The following CDH4 variants were observed in gnomAD, a reference collection of about 807,000 sequenced individuals.
CDH4 encodes cadherin 4.
A neutral mutation model predicts 86.0 loss-of-function variants in CDH4; 33 were observed. The observed-to-expected ratio is 0.38, with a 90% CI of 0.29 to 0.51. CDH4 has a LOEUF of 0.51. Among genes scored for constraint, CDH4 ranks in the 20% least tolerant of loss-of-function variants. The pLI is 0.86. For missense variants in CDH4, 1,114 were observed against 1,307.4 expected, an observed-to-expected ratio of 0.85 and a Z score of 2.28; for synonymous variants, 555 against 549.4, an observed-to-expected ratio of 1.01 and a Z score of -0.14.
intron 9 of CDH4, among the ~76,000 whole-genome samples, chr20:61,913,036 C>T (rs542912169): frequency 2.0e-5 from 3 of 152,232 alleles, no homozygotes; most frequent in East Asian, 1.9e-4. Flanking sequence ...CAGTGAGTAG[C>T]GAGCCTCGGC....
At chr20:61,383,072 A>G (rs2084913495) in intron 2 of CDH4, among the ~76,000 whole-genome samples, 1 of 125,486 alleles carries the variant, frequency 8.0e-6, no homozygotes, top group Admixed American at 8.6e-5. Context: ...ATTCATATAT[A>G]TATAATATAT....
chr20:61,834,968 G>A (rs754982697), intron 4 of CDH4, among the ~76,000 whole-genome samples: 3 of 152,234 alleles, frequency 2.0e-5, no homozygotes, highest in Non-Finnish European at 4.4e-5. Context: ...TCCAGACACC[G>A]CTGGAGGCTG....
chr20:61,427,757 G>A (rs1172865665), intron 2 of CDH4, among the ~76,000 whole-genome samples: 1 of 152,006 alleles, frequency 6.6e-6, no homozygotes, highest in Non-Finnish European at 1.5e-5. Flanking sequence ...TGTGCAAGCA[G>A]TTGTCTCCCC....
At chr20:61,646,894 T>G (rs2087066793) in intron 2 of CDH4, among the ~76,000 whole-genome samples, 1 of 152,254 alleles carries the variant, frequency 6.6e-6, no homozygotes, top group Non-Finnish European at 1.5e-5. Flanking sequence ...ACTGGAATAC[T>G]GAACTTCCAC....
intron 2 of CDH4, among the ~76,000 whole-genome samples, chr20:61,422,661 A>G (rs949497078): frequency 2.6e-5 from 4 of 152,098 alleles, no homozygotes; most frequent in Non-Finnish European, 4.4e-5. Context: ...TCTGGCTCCG[A>G]ATTCTAAATT....
chr20:61,853,367 G>A (rs1445552939), intron 6 of CDH4, among the ~76,000 whole-genome samples: 1 of 152,148 alleles, frequency 6.6e-6, no homozygotes, highest in Non-Finnish European at 1.5e-5. Context: ...AGGCCTCCCA[G>A]CTAAACGTAA....
rs1280328224 is a variant in CDH4 at position 61,940,322 on chromosome 20, T to G, written c.*3379T>G. On this transcript the variant is annotated 3_prime_UTR_variant, in exon 16 of 16. Coordinates refer to ENST00000614565, the MANE Select transcript of CDH4 (RefSeq NM_001794.5). ...TAGCAGCCTGCATGAGCACAGTTGT[T>G]TTGGGGAAAGATACTGGAGTATGAT... The G allele has an allele frequency of 6.6e-6, 1 of 152,190 alleles. No homozygotes were observed. The highest frequency in any genetic ancestry group is 2.4e-5 in the African/African-American group (1 of 41,432). The allele number at this position is 152,190 out of a possible 1,614,324, so 9.4% of individuals were successfully genotyped here.
At chr20:61,711,508 C>T (rs1384681989) in intron 2 of CDH4, among the ~76,000 whole-genome samples, 1 of 152,210 alleles carries the variant, frequency 6.6e-6, no homozygotes, top group African/African-American at 2.4e-5. Context: ...GCCTTCTACC[C>T]TCAAAGCTAG....
At chr20:61,416,778 G>A (rs184529768) in intron 2 of CDH4, among the ~76,000 whole-genome samples, 8 of 152,310 alleles carry the variant, frequency 5.3e-5, no homozygotes, top group African/African-American at 1.4e-4. Flanking sequence ...GAGTCTCCCC[G>A]CAGCTCCAGA....
intron 2 of CDH4, among the ~76,000 whole-genome samples, chr20:61,560,088 C>T (rs192390671): frequency 6.6e-6 from 1 of 152,206 alleles, no homozygotes. Context: ...ACTCGAACTT[C>T]GGAGTCGCTT....
At chr20:61,698,661 C>A (rs1487316259) in intron 2 of CDH4, among the ~76,000 whole-genome samples, 1 of 152,212 alleles carries the variant, frequency 6.6e-6, no homozygotes, top group Non-Finnish European at 1.5e-5. Flanking sequence ...GTGCTGCCGA[C>A]ATGTGGGGCC....
In CDH4 at chr20:61,647,564, CCT is replaced by C. The variant is rs57740825; in HGVS notation, c.170-95995_170-95994del. On this transcript the variant is annotated intron_variant, in intron 2 of 15. Coordinates refer to ENST00000614565, the MANE Select transcript of CDH4 (RefSeq NM_001794.5). ...CCCTCTCCCTCTCCCTCTCCCTCTCCCTCTCCCTCCCTCCCCCTCTCCTCTCT... is the reference window on the plus strand; with the variant it reads ...CCCTCTCCCTCTCCCTCTCCCTCTCCCTCCCTCCCTCCCCCTCTCCTCTCT... Among the ~76,000 whole-genome samples the C allele has an allele frequency of 3.8e-4, 27 of 71,912 alleles. 2 individuals are homozygous for C. Among genetic ancestry groups the C allele is most frequent in the Admixed American group, 8.0e-4 (6 of 7,480 alleles). The allele number at this position is 71,912 out of a possible 152,430, so 47.2% of individuals were successfully genotyped here. A position where few individuals can be genotyped will look rare whatever the true frequency, so the allele number is the denominator to read the frequency against.
intron 4 of CDH4, among the ~76,000 whole-genome samples, chr20:61,782,219 C>A (rs1978584647): frequency 6.6e-6 from 1 of 152,060 alleles, no homozygotes; most frequent in Non-Finnish European, 1.5e-5. Flanking sequence ...TGAGGTGGGA[C>A]AATCGCTCGA....
chr20:61,662,346 C>G (rs2087267131), intron 2 of CDH4, among the ~76,000 whole-genome samples: 1 of 152,242 alleles, frequency 6.6e-6, no homozygotes, highest in Admixed American at 6.5e-5. Flanking sequence ...ACAGCGCAAC[C>G]TCTGTCAGGG....
rs1451747282 is a variant in CDH4 at position 61,939,704 on chromosome 20, G to A, written c.*2761G>A. On this transcript the variant is annotated 3_prime_UTR_variant, in exon 16 of 16. Coordinates refer to ENST00000614565, the MANE Select transcript of CDH4 (RefSeq NM_001794.5). ...GCCGGGAGGCCAATGCTGGCCAGGT[G>A]CGAGGGCATGGTTTGGTTCCTTTAG... 3 of 152,310 alleles carry A rather than the reference G, an allele frequency of 2.0e-5. No homozygotes were observed. The highest frequency in any genetic ancestry group is 2.1e-4 in the South Asian group (1 of 4,838). 9.4% of individuals were successfully genotyped at this position (152,310 alleles called of 1,614,324 possible).
intron 7 of CDH4, among the ~76,000 whole-genome samples, chr20:61,884,554 C>A (rs1377646693): frequency 3.3e-5 from 5 of 152,140 alleles, no homozygotes; most frequent in African/African-American, 1.2e-4. Context: ...GGGGTGATCT[C>A]TCGGTGACAG....
At chr20:61,561,956 C>T (rs1006597944) in intron 2 of CDH4, among the ~76,000 whole-genome samples, 1 of 152,156 alleles carries the variant, frequency 6.6e-6, no homozygotes, top group African/African-American at 2.4e-5. Flanking sequence ...ATCCTGACCC[C>T]AGGGCTCCCA....
chr20:61,748,098 G>T (rs944376961), intron 3 of CDH4, among the ~76,000 whole-genome samples: 9 of 152,148 alleles, frequency 5.9e-5, no homozygotes, highest in Admixed American at 2.0e-4. Context: ...GTTGTGGGGG[G>T]GTTGGAAGAC....
At chr20:61,771,243 C>G (rs1409287589) in intron 3 of CDH4, among the ~76,000 whole-genome samples, 1 of 151,640 alleles carries the variant, frequency 6.6e-6, no homozygotes, top group African/African-American at 2.4e-5. Context: ...CTCCTGACCT[C>G]AGGTGATCCA....
Sources: gnomAD v4.1 joint callset for allele counts (sites outside exome capture counted in the v4.1 genomes callset) on GRCh38, gnomAD v4.1.1 for gene constraint, MANE v1.5 for transcripts, NCBI Gene and HGNC (gene_info 2026-07-23, HGNC 2026-07-21) for gene names.